The following ALCAM variants were observed in gnomAD, a reference collection of about 807,000 sequenced individuals.
The protein encoded by ALCAM is CD166 antigen.
A neutral mutation model predicts 70.9 loss-of-function variants in ALCAM; 30 were observed. The observed-to-expected ratio is 0.42, with a 90% CI of 0.32 to 0.57. The LOEUF is 0.57. Ranked by LOEUF, ALCAM falls within the 20% of genes least tolerant of loss-of-function variation. ALCAM has a pLI of 0.11. For synonymous variants in ALCAM, 249 were observed against 242.5 expected (o/e 1.03, Z -0.25); for missense variants, 591 against 695.1 (o/e 0.85, Z 1.68).
chr3:105,464,885 C>A (rs1247804163), intron 1 of ALCAM, among the ~76,000 whole-genome samples: 1 of 151,288 alleles, frequency 6.6e-6, no homozygotes, highest in Non-Finnish European at 1.5e-5. Flanking sequence ...AACGGTGTAA[C>A]CAACAAGCTA....
chr3:105,510,145 T>C (rs1188093613), intron 1 of ALCAM, among the ~76,000 whole-genome samples: 1 of 151,814 alleles, frequency 6.6e-6, no homozygotes, highest in Non-Finnish European at 1.5e-5. Flanking sequence ...AGGAAGAAGA[T>C]GGGGGTGGTC....
At chr3:105,419,898 A>G (rs1252446185) in intron 1 of ALCAM, among the ~76,000 whole-genome samples, 1 of 151,814 alleles carries the variant, frequency 6.6e-6, no homozygotes, top group Non-Finnish European at 1.5e-5. Context: ...ATTCATTTCC[A>G]TCTGCCAACA....
intron 1 of ALCAM, among the ~76,000 whole-genome samples, chr3:105,490,395 C>A (rs770162173): frequency 6.6e-6 from 1 of 152,088 alleles, no homozygotes; most frequent in Non-Finnish European, 1.5e-5. Context: ...TCCTTTGTAC[C>A]GCCGAATCCT....
chr3:105,504,399 G>A (rs1360122178), intron 1 of ALCAM, among the ~76,000 whole-genome samples: 2 of 152,216 alleles, frequency 1.3e-5, no homozygotes, highest in Non-Finnish European at 2.9e-5. Context: ...ATCAGATCAC[G>A]TATGGGCTTG....
At chr3:105,422,385 A>G (rs1490157687) in intron 1 of ALCAM, among the ~76,000 whole-genome samples, 1 of 151,458 alleles carries the variant, frequency 6.6e-6, no homozygotes, top group African/African-American at 2.4e-5. Context: ...TTCCAGTGGT[A>G]CTGGTAATGC....
intron 3 of ALCAM, among the ~76,000 whole-genome samples, chr3:105,526,731 A>T (rs902526824): frequency 6.6e-6 from 1 of 152,176 alleles, no homozygotes; most frequent in Non-Finnish European, 1.5e-5. Context: ...TTTTGTTTTC[A>T]ATGAATTTAC....
At chr3:105,447,597 C>T (rs1937330707) in intron 1 of ALCAM, among the ~76,000 whole-genome samples, 1 of 152,162 alleles carries the variant, frequency 6.6e-6, no homozygotes, top group Admixed American at 6.5e-5. Flanking sequence ...TGCTACCACC[C>T]AGCTACTCCG....
At chr3:105,444,198 G>C (rs1442164008) in intron 1 of ALCAM, among the ~76,000 whole-genome samples, 1 of 152,112 alleles carries the variant, frequency 6.6e-6, no homozygotes, top group Non-Finnish European at 1.5e-5. Flanking sequence ...ATTACACTCT[G>C]TTCTCACACT....
intron 9 of ALCAM, among the ~76,000 whole-genome samples, chr3:105,546,826 G>T (rs969468234): frequency 2.6e-5 from 4 of 151,198 alleles, no homozygotes; most frequent in Non-Finnish European, 4.4e-5. Flanking sequence ...TTCAATTCCT[G>T]ACATAATAGG....
intron 1 of ALCAM, among the ~76,000 whole-genome samples, chr3:105,450,247 A>G (rs1456029747): frequency 6.6e-6 from 1 of 152,178 alleles, no homozygotes; most frequent in African/African-American, 2.4e-5. Flanking sequence ...AGCTTGAAAT[A>G]TCTCTCTTCT....
At chr3:105,389,067 C>A (rs1210585173) in intron 1 of ALCAM, among the ~76,000 whole-genome samples, 3 of 151,466 alleles carry the variant, frequency 2.0e-5, no homozygotes, top group Non-Finnish European at 3.0e-5. Context: ...AAATGATGAG[C>A]AAAGTGAATG....
At chr3:105,568,847 T>C (rs1258669810) in intron 14 of ALCAM, among the ~76,000 whole-genome samples, 1 of 152,186 alleles carries the variant, frequency 6.6e-6, no homozygotes, top group African/African-American at 2.4e-5. Flanking sequence ...ATAATTGTTA[T>C]AAATATAAGA....
chr3:105,414,762 G>A (rs1362113870), intron 1 of ALCAM, among the ~76,000 whole-genome samples: 1 of 152,064 alleles, frequency 6.6e-6, no homozygotes. Flanking sequence ...TATTGAAGAA[G>A]GACTTGAATT....
At chr3:105,533,451 CAG>C (rs917575176) in intron 4 of ALCAM, 150 bp from the exon 5 acceptor site, 6 of 441,832 alleles carry the variant, frequency 1.4e-5, no homozygotes, top group Non-Finnish European at 2.5e-5. Context: ...GTTTTTATAC[CAG>C]AGAGCATGTA....
rs59389132 is a variant in ALCAM, at chr3:105,454,653, A to ATTTTTTT, written c.74-65386_74-65380dup. ...ATTGGCACATAGTAGATGCTCATTA[A>ATTTTTTT]TTTTTTTTTTTTTTTTTTTTTTTTT... On this transcript the variant is annotated intron_variant, in intron 1 of 15. Transcript: ENST00000306107. 3.0e-3 allele frequency among the ~76,000 whole-genome samples: 186 copies of ATTTTTTT among 61,788 alleles called. 11 individuals carry two copies. The highest frequency in any genetic ancestry group is 4.7e-3 in the African/African-American group (69 of 14,608). 40.5% of individuals were successfully genotyped at this position (61,788 alleles called of 152,430 possible).
intron 3 of ALCAM, 200 bp downstream of exon 3, chr3:105,524,708 C>A: frequency 7.6e-6 from 10 of 1,322,598 alleles, no homozygotes; most frequent in Non-Finnish European, 6.8e-6. Flanking sequence ...AGGAGATTTG[C>A]AGTGAGGAAC....
At chr3:105,506,610 T>A (rs1939085733) in intron 1 of ALCAM, among the ~76,000 whole-genome samples, 1 of 152,196 alleles carries the variant, frequency 6.6e-6, no homozygotes. Flanking sequence ...AACTTTTTTT[T>A]AAACCCAAAT....
chr3:105,418,111 A>T (rs1466005317), intron 1 of ALCAM, among the ~76,000 whole-genome samples: 1 of 151,798 alleles, frequency 6.6e-6, no homozygotes, highest in East Asian at 1.9e-4. Context: ...TCCTCCTACT[A>T]ATATATGGCT....
At chr3:105,449,598 A>C (rs1414061226) in intron 1 of ALCAM, among the ~76,000 whole-genome samples, 1 of 152,222 alleles carries the variant, frequency 6.6e-6, no homozygotes, top group Non-Finnish European at 1.5e-5. Context: ...AGAGCTGCTT[A>C]ATTAATCTGT....
Sources: gnomAD v4.1 joint callset for allele counts (sites outside exome capture counted in the v4.1 genomes callset) on GRCh38, gnomAD v4.1.1 for gene constraint, MANE v1.5 for transcripts, NCBI Gene and HGNC (gene_info 2026-07-23, HGNC 2026-07-21) for gene names.